Variants in TMEM266 observed in about 807,000 individuals in gnomAD.
The protein encoded by TMEM266 is transmembrane protein 266.
TMEM266 carries 33 observed loss-of-function variants against 50.5 expected under a neutral mutation model. That is an observed-to-expected ratio of 0.65 (90% CI 0.50 to 0.87). The LOEUF is 0.87. TMEM266 is among the 40% of genes least tolerant of loss of function. TMEM266 has a pLI of 0.00. For missense variants in TMEM266, 655 were observed against 695.1 expected, an observed-to-expected ratio of 0.94 and a Z score of 0.65; for synonymous variants, 310 against 292.3, an observed-to-expected ratio of 1.06 and a Z score of -0.62.
At chr15:76,129,678 A>T (rs1250672408) in intron 1 of TMEM266, among the ~76,000 whole-genome samples, 1 of 152,028 alleles carries the variant, frequency 6.6e-6, no homozygotes. Flanking sequence ...AAACAAAAAA[A>T]ACTGCTAAGG....
chr15:76,064,902 A>G (rs61167451), intron 1 of TMEM266, among the ~76,000 whole-genome samples: 8,257 of 152,214 alleles, frequency 0.054, 717 homozygotes, highest in African/African-American at 0.19. Flanking sequence ...TTTTATCTAC[A>G]ATTCCCTCAC....
intron 3 of TMEM266, among the ~76,000 whole-genome samples, chr15:76,155,590 C>T (rs2037912404): frequency 6.6e-6 from 1 of 152,138 alleles, no homozygotes; most frequent in African/African-American, 2.4e-5. Flanking sequence ...TTTGGGAAGC[C>T]CTGATTCTGT....
At chr15:76,077,027 C>T (rs1302505073) in intron 1 of TMEM266, among the ~76,000 whole-genome samples, 1 of 151,928 alleles carries the variant, frequency 6.6e-6, no homozygotes, top group Non-Finnish European at 1.5e-5. Flanking sequence ...TGCAGTGGCA[C>T]AATCTTGGCT....
intron 1 of TMEM266, among the ~76,000 whole-genome samples, chr15:76,099,701 C>T (rs924202784): frequency 6.6e-6 from 1 of 152,158 alleles, no homozygotes; most frequent in Non-Finnish European, 1.5e-5. Context: ...GTCCTGCCTT[C>T]ATGGGAGAGG....
intron 1 of TMEM266, among the ~76,000 whole-genome samples, chr15:76,125,763 G>C (rs113828815): frequency 0.025 from 3,764 of 151,500 alleles, 165 homozygotes; most frequent in African/African-American, 0.087. Context: ...CAGGAGAATT[G>C]CTGGAACCCG....
chr15:76,137,557 C>G, intron 2 of TMEM266, 150 bp from the exon 3 acceptor site: 4 of 744,890 alleles, frequency 5.4e-6, no homozygotes, highest in Non-Finnish European at 6.9e-6. Context: ...TCCTCGGGTC[C>G]GCGGGTGGCC....
intron 1 of TMEM266, among the ~76,000 whole-genome samples, chr15:76,087,346 A>G (rs1198526563): frequency 6.6e-6 from 1 of 152,208 alleles, no homozygotes; most frequent in Non-Finnish European, 1.5e-5. Flanking sequence ...GATAGAATTG[A>G]TAAGGCTTAA....
Position 76,134,208 on chromosome 15 carries a change from A to T in TMEM266, c.-56A>T, listed in dbSNP as rs1465102351. On this transcript the variant is annotated 5_prime_UTR_variant, in exon 2 of 11. Transcript: ENST00000388942. ...TGTGTCTTGTAGAACCCACGCTTGG[A>T]AATGCTGACAGCAGGCTTCAGGACA... The T allele has an allele frequency of 3.8e-6, 6 of 1,588,108 alleles. No homozygotes were observed. In the Admixed American group the frequency reaches 6.7e-5, roughly 18 times the overall value.
intron 1 of TMEM266, among the ~76,000 whole-genome samples, chr15:76,097,658 G>GGA (rs1267962642): frequency 1.9e-4 from 29 of 151,970 alleles, no homozygotes; most frequent in African/African-American, 7.0e-4. Context: ...GCTAGGTTGG[G>GGA]GAAGTTCTCC....
chr15:76,202,282 C>T lies in TMEM266; in HGVS notation c.1021+18C>T. 1 of 1,608,220 alleles carries T rather than the reference C, an allele frequency of 6.2e-7. No individual in the cohort carries two copies. Among genetic ancestry groups the T allele is most frequent in the Non-Finnish European group, 8.5e-7 (1 of 1,176,054 alleles). On this transcript the variant is annotated intron_variant, in intron 10 of 10. Coordinates refer to ENST00000388942, the MANE Select transcript of TMEM266 (RefSeq NM_152335.3). ...CAGCAGTGGTAAGTCTGGGTTGGGG[C>T]TGTTCTACATGTGCCACAACCCCAG...
intron 1 of TMEM266, among the ~76,000 whole-genome samples, chr15:76,093,058 G>A (rs1013208965): frequency 3.3e-5 from 5 of 151,440 alleles, no homozygotes; most frequent in South Asian, 4.2e-4. Flanking sequence ...CACCCGCCTC[G>A]GCCTCCTAAA....
chr15:76,108,363 A>G (rs1285115065), intron 1 of TMEM266, among the ~76,000 whole-genome samples: 1 of 152,230 alleles, frequency 6.6e-6, no homozygotes, highest in East Asian at 1.9e-4. Flanking sequence ...CAGGGTCACA[A>G]GAAATGTCAT....
chr15:76,175,572 A>C lies in TMEM266; in HGVS notation c.666A>C (p.Pro222=), dbSNP rs201768606. The C allele has an allele frequency of 3.1e-6, 5 of 1,613,864 alleles. No individual in the cohort carries two copies. Among genetic ancestry groups the C allele is most frequent in the Non-Finnish European group, 4.2e-6 (5 of 1,179,904 alleles). Residue 222 remains proline (P), a synonymous_variant, in exon 8 of 11, where the codon CCA becomes CCC. Coordinates refer to ENST00000388942, the MANE Select transcript of TMEM266 (RefSeq NM_152335.3). ...TCTGTCTTCCAGCCTACGTCCTGCC[A>C]GTGAAGCTGGAGATGGAGATGGTTA...
chr15:76,093,822 T>C (rs1012021833), intron 1 of TMEM266, among the ~76,000 whole-genome samples: 2 of 152,084 alleles, frequency 1.3e-5, no homozygotes, highest in Admixed American at 6.5e-5. Context: ...TGGTGGGAGA[T>C]GGTATCTTAT....
At chr15:76,136,272 A>C (rs1362504139) in intron 2 of TMEM266, among the ~76,000 whole-genome samples, 1 of 152,150 alleles carries the variant, frequency 6.6e-6, no homozygotes, top group Non-Finnish European at 1.5e-5. Context: ...TTAGATTTCA[A>C]TGGTTGTTGG....
At chr15:76,171,380 C>T (rs1290648538) in intron 7 of TMEM266, among the ~76,000 whole-genome samples, 1 of 152,212 alleles carries the variant, frequency 6.6e-6, no homozygotes, top group African/African-American at 2.4e-5. Context: ...CATTCCCATG[C>T]AGCTATTTAC....
chr15:76,067,748 T>C (rs1221049376), intron 1 of TMEM266, among the ~76,000 whole-genome samples: 1 of 151,534 alleles, frequency 6.6e-6, no homozygotes, highest in African/African-American at 2.4e-5. Flanking sequence ...ATCCTGTGAC[T>C]GTTAAAATCA....
At chr15:76,064,410 A>G (rs1313045324) in intron 1 of TMEM266, among the ~76,000 whole-genome samples, 1 of 152,088 alleles carries the variant, frequency 6.6e-6, no homozygotes, top group Non-Finnish European at 1.5e-5. Context: ...TCATTCATCT[A>G]TTGTTTGCAG....
intron 1 of TMEM266, among the ~76,000 whole-genome samples, chr15:76,114,838 G>A (rs2037224279): frequency 6.6e-6 from 1 of 152,138 alleles, no homozygotes; most frequent in Admixed American, 6.5e-5. Flanking sequence ...TCTCCCACCA[G>A]TCCCTGTCAA....
Sources: allele counts gnomAD v4.1 joint callset (sites outside exome capture counted in the v4.1 genomes callset), GRCh38; gene constraint gnomAD v4.1.1; transcripts MANE v1.5; gene names NCBI Gene and HGNC (gene_info 2026-07-23, HGNC 2026-07-21).